The following EIF4G3 variants were observed in gnomAD, a reference collection of about 807,000 sequenced individuals.
EIF4G3 encodes eIF-4-gamma 3.
EIF4G3 carries 34 observed loss-of-function variants against 186.4 expected under a neutral mutation model. That is an observed-to-expected ratio of 0.18 (90% CI 0.14 to 0.24). EIF4G3 has a LOEUF of 0.24. Among genes scored for constraint, EIF4G3 ranks in the 10% least tolerant of loss-of-function variants. The pLI is 1.00. For synonymous variants in EIF4G3, 673 were observed against 679.5 expected, an observed-to-expected ratio of 0.99 and a Z score of 0.15; for missense variants, 1,536 against 1,948.5, an observed-to-expected ratio of 0.79 and a Z score of 3.99.
chr1:20,930,368 G>A (rs745919491), intron 14 of EIF4G3, among the ~76,000 whole-genome samples: 4 of 152,102 alleles, frequency 2.6e-5, no homozygotes, highest in Non-Finnish European at 4.4e-5. Flanking sequence ...ATACCCTTCC[G>A]CTGTTTTATC....
At chr1:20,844,911 G>GT (rs1403170384) in intron 29 of EIF4G3, among the ~76,000 whole-genome samples, 3 of 152,136 alleles carry the variant, frequency 2.0e-5, no homozygotes, top group African/African-American at 7.2e-5. Context: ...CTCCTATTCT[G>GT]TAAGTTGTCT....
At chr1:20,843,868 C>T (rs1054039051) in intron 29 of EIF4G3, among the ~76,000 whole-genome samples, 4 of 152,170 alleles carry the variant, frequency 2.6e-5, no homozygotes, top group African/African-American at 7.2e-5. Context: ...CATGTGTTCT[C>T]ATCATTTAGT....
chr1:21,005,784 T>G (rs1329273660), intron 4 of EIF4G3, among the ~76,000 whole-genome samples: 1 of 152,148 alleles, frequency 6.6e-6, no homozygotes, highest in Non-Finnish European at 1.5e-5. Flanking sequence ...ATCATTGCTC[T>G]GAAAGTGATT....
chr1:20,962,919 G>T (rs7530741), intron 12 of EIF4G3, among the ~76,000 whole-genome samples: 3,278 of 123,620 alleles, frequency 0.027, 86 homozygotes, highest in African/African-American at 0.064. Flanking sequence ...TTTTTTTTTT[G>T]TTTTTTTTTT....
At chr1:21,147,345 G>GT (rs1411631910) in intron 2 of EIF4G3, among the ~76,000 whole-genome samples, 4 of 151,560 alleles carry the variant, frequency 2.6e-5, no homozygotes, top group Non-Finnish European at 2.9e-5. Context: ...TTTTTTGTTT[G>GT]TTTTTTTTCT....
chr1:21,101,562 G>GAAAAAGAAAAAAAAA (rs769715669), intron 2 of EIF4G3, among the ~76,000 whole-genome samples: 1 of 35,370 alleles, frequency 2.8e-5, no homozygotes, highest in Non-Finnish European at 5.3e-5. Context: ...AGGGTCTCAG[G>GAAAAAGAAAAAAAAA]AAAAAAAAAA....
Position 21,126,801 on chromosome 1 carries a change from C to A in EIF4G3, c.-271-37588G>T, listed in dbSNP as rs532267398. On this transcript the variant is annotated intron_variant, in intron 2 of 36. Coordinates refer to ENST00000602326, the MANE Select transcript of EIF4G3 (RefSeq NM_001391906.1). ...TCCACAGGAGATTGGTTCCAGGAGTCCTGTGGATACTAAAATCCAAAGATG... is the reference window on the plus strand; with the variant it reads ...TCCACAGGAGATTGGTTCCAGGAGTACTGTGGATACTAAAATCCAAAGATG... Among the ~76,000 whole-genome samples the A allele has an allele frequency of 6.6e-5, 10 of 151,874 alleles. No homozygotes were observed. The South Asian group carries it at 1.2e-3, about 19-fold the overall frequency.
intron 28 of EIF4G3, among the ~76,000 whole-genome samples, chr1:20,850,788 GTCC>G (rs2073049639): frequency 6.6e-6 from 1 of 152,186 alleles, no homozygotes; most frequent in Non-Finnish European, 1.5e-5. Flanking sequence ...ATCCGAGCAA[GTCC>G]TCTAAGTATA....
intron 7 of EIF4G3, among the ~76,000 whole-genome samples, chr1:20,995,695 T>G (rs375194329): frequency 1.3e-5 from 2 of 152,286 alleles, no homozygotes; most frequent in African/African-American, 4.8e-5. Flanking sequence ...TGTTTTTGTT[T>G]CAAAATTCAC....
chr1:21,131,316 G>A (rs1428180823), intron 2 of EIF4G3, among the ~76,000 whole-genome samples: 1 of 132,766 alleles, frequency 7.5e-6, no homozygotes, highest in Non-Finnish European at 1.7e-5. Context: ...CTACAACATA[G>A]GGAAGAAAAA....
At chr1:20,843,686 TG>T (rs1312764622) in intron 29 of EIF4G3, among the ~76,000 whole-genome samples, 2 of 152,338 alleles carry the variant, frequency 1.3e-5, no homozygotes, top group Non-Finnish European at 2.9e-5. Context: ...GTGCAGGATG[TG>T]CAGCTTTGCT....
chr1:21,171,629 C>T (rs189402890), intron 2 of EIF4G3, among the ~76,000 whole-genome samples: 1 of 152,254 alleles, frequency 6.6e-6, no homozygotes, highest in African/African-American at 2.4e-5. Context: ...ACAAAGAAAA[C>T]ATTAACTGGT....
At chr1:20,911,332 C>CT (rs948921591) in intron 14 of EIF4G3, among the ~76,000 whole-genome samples, 1 of 151,884 alleles carries the variant, frequency 6.6e-6, no homozygotes, top group Non-Finnish European at 1.5e-5. Context: ...CTTTTGGAGG[C>CT]TGAGGAGGGA....
At chr1:21,162,736 A>C (rs927248469) in intron 2 of EIF4G3, among the ~76,000 whole-genome samples, 1 of 118,588 alleles carries the variant, frequency 8.4e-6, no homozygotes, top group Non-Finnish European at 1.7e-5. Context: ...GGACAGAGCG[A>C]GACTCCATCT....
At chr1:20,847,740 T>C (rs767146429) in intron 29 of EIF4G3, 37 of 470,300 alleles carry the variant, frequency 7.9e-5, no homozygotes, top group Non-Finnish European at 1.5e-4. Flanking sequence ...GGTTTATTCT[T>C]TGGCTATTTC....
chr1:21,011,066 T>C (rs2086901444), intron 4 of EIF4G3, among the ~76,000 whole-genome samples: 1 of 152,186 alleles, frequency 6.6e-6, no homozygotes, highest in Non-Finnish European at 1.5e-5. Flanking sequence ...AAGGTGGATG[T>C]AGCTACTAGT....
intron 19 of EIF4G3, 59 bp downstream of exon 19, chr1:20,886,142 A>G (rs2084063784): frequency 6.5e-7 from 1 of 1,529,476 alleles, no homozygotes; most frequent in Non-Finnish European, 8.8e-7. Context: ...AAAGCAAAAT[A>G]AGTTAAAACA....
At chr1:20,957,653 C>G (rs551280536) in intron 12 of EIF4G3, among the ~76,000 whole-genome samples, 1 of 151,784 alleles carries the variant, frequency 6.6e-6, no homozygotes, top group East Asian at 1.9e-4. Flanking sequence ...ATAGACTATT[C>G]ACTAGAATAA....
chr1:20,818,311 T>C (rs1376010107), intron 33 of EIF4G3, among the ~76,000 whole-genome samples: 1 of 152,172 alleles, frequency 6.6e-6, no homozygotes, highest in African/African-American at 2.4e-5. Flanking sequence ...AATGATGCTA[T>C]AATTGTTTAG....
Sources: allele counts gnomAD v4.1 joint callset (sites outside exome capture counted in the v4.1 genomes callset), GRCh38; gene constraint gnomAD v4.1.1; transcripts MANE v1.5; gene names NCBI Gene and HGNC (gene_info 2026-07-23, HGNC 2026-07-21).